The following EFR3A variants were observed in gnomAD, a reference collection of about 807,000 sequenced individuals.
The protein encoded by EFR3A is EFR3 homolog A, also known as protein EFR3 homolog A.
A neutral mutation model predicts 104.4 loss-of-function variants in EFR3A; 76 were observed. The ratio of observed to expected loss-of-function variants is 0.73; its 90% CI spans 0.60 to 0.88. The LOEUF (loss-of-function observed/expected upper bound fraction) is 0.88, where lower values mean the gene tolerates loss of function less well. Ranked by LOEUF, EFR3A falls within the 40% of genes least tolerant of loss-of-function variation. EFR3A has a pLI of 0.00. For missense variants in EFR3A, 985 were observed against 1,012.5 expected (o/e 0.97, Z 0.37); for synonymous variants, 330 against 330.0 (o/e 1.00, Z 0.00).
chr8:131,993,604 A>T (rs563150145), intron 18 of EFR3A, among the ~76,000 whole-genome samples: 2 of 152,018 alleles, frequency 1.3e-5, no homozygotes, highest in East Asian at 3.9e-4. Flanking sequence ...GATTAGAAAG[A>T]TGGAGCATAG....
At chr8:131,989,749 A>G (rs1249544288) in intron 18 of EFR3A, among the ~76,000 whole-genome samples, 1 of 152,186 alleles carries the variant, frequency 6.6e-6, no homozygotes, top group Non-Finnish European at 1.5e-5. Flanking sequence ...TGCAATTCTT[A>G]TCCTCAAGGA....
chr8:131,956,223 A>T (rs1427128037), intron 7 of EFR3A, among the ~76,000 whole-genome samples: 3 of 152,184 alleles, frequency 2.0e-5, no homozygotes, highest in African/African-American at 7.2e-5. Context: ...TCTAAGCATG[A>T]TGTATCTTGT....
chr8:131,968,325 A>G lies in EFR3A; in HGVS notation c.886A>G (p.Ile296Val). The G allele has an allele frequency of 6.2e-7, 1 of 1,613,180 alleles. No individual in the cohort carries two copies. The highest frequency in any genetic ancestry group is 1.1e-5 in the South Asian group (1 of 91,024). ...GTATTCTCACCATGTGATCCAGGAG[A>G]TTCTAGGACACCTTGATGCTCGTAA... Reference protein sequence around the residue: ...AQYSHHVIQEILGHLDARKKD... With the variant: ...AQYSHHVIQEVLGHLDARKKD... The change falls in exon 9 of 23, where the codon ATT (isoleucine) becomes GTT (valine). Residue 296 changes from isoleucine (I) to valine (V), a missense_variant. Coordinates refer to ENST00000254624, the MANE Select transcript of EFR3A (RefSeq NM_015137.6).
intron 8 of EFR3A, among the ~76,000 whole-genome samples, chr8:131,963,390 T>C (rs1819512886): frequency 3.3e-5 from 5 of 151,852 alleles, no homozygotes; most frequent in Admixed American, 3.3e-4. Context: ...AAAGGGGATA[T>C]CACCACCGAT....
At chr8:131,952,640 G>C (rs1404605422) in intron 5 of EFR3A, among the ~76,000 whole-genome samples, 1 of 152,136 alleles carries the variant, frequency 6.6e-6, no homozygotes, top group African/African-American at 2.4e-5. Flanking sequence ...CTTGCCCACT[G>C]TGATAGCTGC....
At chr8:131,978,207 A>C (rs539402943) in intron 12 of EFR3A, among the ~76,000 whole-genome samples, 1 of 152,308 alleles carries the variant, frequency 6.6e-6, no homozygotes, top group South Asian at 2.1e-4. Context: ...TTCCCTAAGT[A>C]AATTATTTTG....
chr8:131,907,997 A>G (rs1198565680), intron 1 of EFR3A, among the ~76,000 whole-genome samples: 4 of 151,820 alleles, frequency 2.6e-5, no homozygotes, highest in Non-Finnish European at 5.9e-5. Flanking sequence ...ATGGGGCTAC[A>G]TTAATGATTA....
At chr8:131,929,193 G>A (rs1817458600) in intron 1 of EFR3A, among the ~76,000 whole-genome samples, 1 of 152,114 alleles carries the variant, frequency 6.6e-6, no homozygotes, top group Admixed American at 6.6e-5. Flanking sequence ...ACCCCAGAGT[G>A]TATCCTCTTG....
chr8:131,963,340 G>T (rs1023912116), intron 8 of EFR3A, among the ~76,000 whole-genome samples: 11 of 152,010 alleles, frequency 7.2e-5, no homozygotes, highest in Admixed American at 7.2e-4. Context: ...TAATACAGAA[G>T]AAAAGAGAGA....
intron 1 of EFR3A, among the ~76,000 whole-genome samples, chr8:131,904,576 C>G (rs1239401097): frequency 6.6e-6 from 1 of 152,270 alleles, no homozygotes; most frequent in Non-Finnish European, 1.5e-5. Flanking sequence ...GGCGGCAGAG[C>G]TGGTGGTAAC....
At chr8:131,952,484 A>G (rs1818758717) in intron 5 of EFR3A, among the ~76,000 whole-genome samples, 1 of 152,092 alleles carries the variant, frequency 6.6e-6, no homozygotes, top group African/African-American at 2.4e-5. Flanking sequence ...CTGCTGCTGC[A>G]CCATTTAGGC....
intron 1 of EFR3A, among the ~76,000 whole-genome samples, chr8:131,912,884 G>C (rs1249740379): frequency 1.3e-5 from 2 of 152,008 alleles, no homozygotes; most frequent in African/African-American, 2.4e-5. Context: ...TCAGCTGTCT[G>C]ATTGCTATCA....
rs778749379 is a variant in EFR3A at position 131,955,860 on chromosome 8, G to A, written c.731G>A (p.Arg244Gln). ...AACTGTTTCAGAGAACTGCTGGGTCGAGCAACTTTTGGGAATATGAATAAT... is the reference window on the plus strand; with the variant it reads ...AACTGTTTCAGAGAACTGCTGGGTCAAGCAACTTTTGGGAATATGAATAAT... Reference protein sequence around the residue: ...AENCFRELLGRATFGNMNNAV... With the variant: ...AENCFRELLGQATFGNMNNAV... The change falls in exon 7 of 23, where the codon CGA (arginine) becomes CAA (glutamine). Residue 244 changes from arginine (R) to glutamine (Q), a missense_variant. Physicochemically the swap from Arg to Gln is conservative, Grantham distance 43. Coordinates refer to ENST00000254624, the MANE Select transcript of EFR3A (RefSeq NM_015137.6). The A allele has an allele frequency of 1.2e-5, 20 of 1,613,282 alleles. No homozygotes were observed. The highest frequency in any genetic ancestry group is 1.6e-4 in the Middle Eastern group (1 of 6,082).
intron 18 of EFR3A, among the ~76,000 whole-genome samples, chr8:131,988,998 G>A (rs755710658): frequency 4.6e-5 from 7 of 152,040 alleles, no homozygotes; most frequent in Non-Finnish European, 8.8e-5. Context: ...CAAATGGTCT[G>A]CACTTCCCTG....
At chr8:131,951,410 A>G (rs1041476827) in intron 5 of EFR3A, among the ~76,000 whole-genome samples, 1 of 152,084 alleles carries the variant, frequency 6.6e-6, no homozygotes. Flanking sequence ...CACCAGGAAA[A>G]TTAATTTTTC....
At chr8:132,003,425 T>A in intron 22 of EFR3A, 140 bp downstream of exon 22, 1 of 782,498 alleles carries the variant, frequency 1.3e-6, no homozygotes, top group Non-Finnish European at 2.0e-6. Context: ...TAAGATCATA[T>A]AGGTGATCCT....
chr8:131,996,097 C>T (rs1438718585), intron 18 of EFR3A, among the ~76,000 whole-genome samples: 1 of 152,066 alleles, frequency 6.6e-6, no homozygotes, highest in Non-Finnish European at 1.5e-5. Context: ...TTTGCTGTTA[C>T]ATTGACTTGC....
chr8:131,992,803 AG>A (rs1476973509), intron 18 of EFR3A, among the ~76,000 whole-genome samples: 1 of 152,118 alleles, frequency 6.6e-6, no homozygotes, highest in African/African-American at 2.4e-5. Context: ...TAATTAGGGA[AG>A]GTTGAAGTTA....
chr8:131,915,967 C>T (rs1052452475), intron 1 of EFR3A, among the ~76,000 whole-genome samples: 1 of 152,156 alleles, frequency 6.6e-6, no homozygotes, highest in African/African-American at 2.4e-5. Flanking sequence ...ACAGGGGTGT[C>T]GTCCCTGCCC....
Sources: gnomAD v4.1 joint callset for allele counts (sites outside exome capture counted in the v4.1 genomes callset) on GRCh38, gnomAD v4.1.1 for gene constraint, MANE v1.5 for transcripts, NCBI Gene and HGNC (gene_info 2026-07-23, HGNC 2026-07-21) for gene names.